The following CEP128 variants were observed in gnomAD, a reference collection of about 807,000 sequenced individuals.
The protein encoded by CEP128 is centrosomal protein 128.
A neutral mutation model predicts 156.7 loss-of-function variants in CEP128; 132 were observed. The ratio of observed to expected loss-of-function variants is 0.84; its 90% CI spans 0.73 to 0.97. The LOEUF is 0.97. Among genes scored for constraint, CEP128 ranks in the 50% least tolerant of loss-of-function variants. CEP128 has a pLI of 0.00. For synonymous variants in CEP128, 469 were observed against 448.9 expected (o/e 1.04, Z -0.57); for missense variants, 1,252 against 1,281.9 (o/e 0.98, Z 0.36).
At chr14:80,588,740 C>T (rs1891923662) in intron 19 of CEP128, among the ~76,000 whole-genome samples, 1 of 152,050 alleles carries the variant, frequency 6.6e-6, no homozygotes, top group African/African-American at 2.4e-5. Flanking sequence ...TCTTACAAAT[C>T]CTTTCCTTAA....
chr14:80,774,123 T>C (rs1900660127), intron 16 of CEP128, among the ~76,000 whole-genome samples: 1 of 152,182 alleles, frequency 6.6e-6, no homozygotes, highest in South Asian at 2.1e-4. Flanking sequence ...AGTTATTCTG[T>C]GGATATTTAG....
At chr14:80,781,132 CT>C (rs1190094312) in intron 15 of CEP128, among the ~76,000 whole-genome samples, 1 of 152,146 alleles carries the variant, frequency 6.6e-6, no homozygotes, top group Non-Finnish European at 1.5e-5. Flanking sequence ...GCACAGTAAT[CT>C]ATATTTGTAT....
chr14:80,772,695 C>T (rs1566905714), intron 16 of CEP128, among the ~76,000 whole-genome samples: 1 of 152,064 alleles, frequency 6.6e-6, no homozygotes, highest in Non-Finnish European at 1.5e-5. Context: ...AGGTAGTTGC[C>T]CCAACTCCTG....
At chr14:80,844,876 A>G (rs996585626) in intron 9 of CEP128, among the ~76,000 whole-genome samples, 1 of 96,570 alleles carries the variant, frequency 1.0e-5, no homozygotes, top group Non-Finnish European at 2.3e-5. Context: ...ATTTTCTCCA[A>G]TGAACAAACT....
chr14:80,616,261 C>A (rs562070946), intron 19 of CEP128, among the ~76,000 whole-genome samples: 1 of 152,312 alleles, frequency 6.6e-6, no homozygotes, highest in South Asian at 2.1e-4. Flanking sequence ...GAGGAATCAT[C>A]ATAGTGACAA....
intron 19 of CEP128, among the ~76,000 whole-genome samples, chr14:80,581,437 T>C (rs902683488): frequency 2.0e-5 from 3 of 152,148 alleles, no homozygotes; most frequent in Admixed American, 6.5e-5. Context: ...AGTCATATAG[T>C]AGAGTGACAA....
At chr14:80,606,012 T>C (rs1437042124) in intron 19 of CEP128, among the ~76,000 whole-genome samples, 2 of 151,888 alleles carry the variant, frequency 1.3e-5, no homozygotes, top group East Asian at 1.9e-4. Context: ...TTATAAACTA[T>C]GAAAATTTTT....
intron 8 of CEP128, among the ~76,000 whole-genome samples, chr14:80,887,650 G>A (rs1027274138): frequency 1.3e-5 from 2 of 152,122 alleles, no homozygotes. Flanking sequence ...GAAATTTAAA[G>A]TACTAAATGC....
At chr14:80,529,285 T>C (rs1382018852) in intron 22 of CEP128, among the ~76,000 whole-genome samples, 1 of 152,198 alleles carries the variant, frequency 6.6e-6, no homozygotes, top group Non-Finnish European at 1.5e-5. Flanking sequence ...TTTCAGTATA[T>C]TGGGAAGTAC....
chr14:80,804,148 GTT>G (rs1023545930), intron 13 of CEP128, among the ~76,000 whole-genome samples: 2 of 151,842 alleles, frequency 1.3e-5, no homozygotes, highest in African/African-American at 4.8e-5. Flanking sequence ...ATAATTAAAA[GTT>G]TTTATAACTT....
chr14:80,764,360 G>T (rs1353111830), intron 16 of CEP128, among the ~76,000 whole-genome samples: 3 of 151,954 alleles, frequency 2.0e-5, no homozygotes, highest in Non-Finnish European at 1.5e-5. Flanking sequence ...TTAGCCGGGC[G>T]CGGTGGCAGG....
chr14:80,756,891 C>T lies in CEP128; in HGVS notation c.2613+1G>A. 1 of 1,570,134 alleles carries T rather than the reference C, an allele frequency of 6.4e-7. No homozygotes were observed. The highest frequency in any genetic ancestry group is 8.8e-7 in the Non-Finnish European group (1 of 1,142,642). ...AACTTTAGGATTTAAAGATTAATTA[C>T]CTTGCTTTCTGCTAACCAGCGATGT... On this transcript the variant is annotated splice_donor_variant, in intron 18 of 24. Coordinates refer to ENST00000555265, the MANE Select transcript of CEP128 (RefSeq NM_152446.5). LOFTEE classifies it high-confidence loss of function.
rs548060648 is a variant in CEP128, at chr14:80,604,498, T to G, written c.2807-24075A>C. Among the ~76,000 whole-genome samples the G allele has an allele frequency of 2.0e-5, 3 of 152,264 alleles. No homozygotes were observed. In the East Asian group the frequency reaches 5.8e-4, roughly 29 times the overall value. On this transcript the variant is annotated intron_variant, in intron 19 of 24. Transcript: ENST00000555265. ...AAATTTACTTCCAAGAGTATTATCT[T>G]CTGTTATCATTGCAACATCTCCTAG...
chr14:80,933,521 A>T (rs1193004456), intron 2 of CEP128, among the ~76,000 whole-genome samples: 1 of 152,212 alleles, frequency 6.6e-6, no homozygotes, highest in East Asian at 1.9e-4. Context: ...CAGCTGTAGC[A>T]CAAAAGCACA....
chr14:80,696,900 T>C (rs1390413065), intron 19 of CEP128, among the ~76,000 whole-genome samples: 1 of 152,130 alleles, frequency 6.6e-6, no homozygotes, highest in African/African-American at 2.4e-5. Context: ...GGCTGTGTTG[T>C]GACAGAACAG....
At chr14:80,480,173 G>A (rs1200535249) in intron 14 of CEP128, among the ~76,000 whole-genome samples, 1 of 152,098 alleles carries the variant, frequency 6.6e-6, no homozygotes, top group Admixed American at 6.5e-5. Context: ...CAGCTCCACT[G>A]GACAGTGCCC....
intron 19 of CEP128, among the ~76,000 whole-genome samples, chr14:80,667,641 G>A (rs530027406): frequency 2.6e-4 from 39 of 152,116 alleles, no homozygotes; most frequent in African/African-American, 7.5e-4. Context: ...GGCGGATCAC[G>A]AGGTCAGGAG....
chr14:80,486,412 C>T (rs1887166571), downstream of CEP128, among the ~76,000 whole-genome samples: 2 of 151,930 alleles, frequency 1.3e-5, no homozygotes, highest in Non-Finnish European at 2.9e-5. Context: ...CTGAAAGTGA[C>T]AGGGAGAATG....
chr14:80,818,180 T>C (rs1305997703), intron 13 of CEP128, among the ~76,000 whole-genome samples: 1 of 152,092 alleles, frequency 6.6e-6, no homozygotes, highest in Non-Finnish European at 1.5e-5. Flanking sequence ...CCACTATGCC[T>C]GGCTAAATTT....
Sources: allele counts gnomAD v4.1 joint callset (sites outside exome capture counted in the v4.1 genomes callset), GRCh38; gene constraint gnomAD v4.1.1; transcripts MANE v1.5; gene names NCBI Gene and HGNC (gene_info 2026-07-23, HGNC 2026-07-21).